NFIX: variants seen among roughly 807,000 people sequenced by gnomAD.
NFIX encodes nuclear factor 1 X-type.
Under a neutral mutation model 53.3 loss-of-function variants are expected in NFIX, and 2 were observed. The ratio of observed to expected loss-of-function variants is 0.04; its 90% confidence interval spans 0.02 to 0.12. The LOEUF is 0.12. NFIX is among the 10% of genes least tolerant of loss of function. The pLI is 1.00. For synonymous variants in NFIX, 244 were observed against 289.0 expected, an observed-to-expected ratio of 0.84 and a Z score of 1.58; for missense variants, 310 against 674.5, an observed-to-expected ratio of 0.46 and a Z score of 5.99.
At chr19:13,080,489 C>T (rs1468553505) in intron 7 of NFIX, among the ~76,000 whole-genome samples, 3 of 152,154 alleles carry the variant, frequency 2.0e-5, no homozygotes, top group Non-Finnish European at 2.9e-5. Context: ...CCTCCCAAAG[C>T]ACTGGGATTA....
chr19:13,075,568 T>C lies in NFIX; in HGVS notation c.852T>C (p.Ser284=), dbSNP rs1350691367. The part of the protein sequence containing the change: ...TTKRPKSIDD[S]EMESPVDDVF... ...AGCGCCCCAAGTCCATCGATGACAG[T>C]GAGATGGAGAGCCCTGTTGATGACG... Residue 284 remains serine (S), a synonymous_variant, in exon 6 of 11, where the codon AGT becomes AGC. Coordinates refer to ENST00000592199, the MANE Select transcript of NFIX (RefSeq NM_001365902.3). 6.2e-7 allele frequency: 1 copy of C among 1,603,406 alleles called. No homozygotes were observed. The highest frequency in any genetic ancestry group is 1.1e-5 in the South Asian group (1 of 90,778).
chr19:13,088,834 T>G lies in NFIX; in HGVS notation c.1402+698T>G, dbSNP rs1164359722. 6.6e-6 allele frequency among the ~76,000 whole-genome samples: 1 copy of G among 151,746 alleles called. No individual in the cohort carries two copies. The highest frequency in any genetic ancestry group is 2.4e-5 in the African/African-American group (1 of 41,404). Reference sequence around the variant, plus strand: ...CTTACTTCATCTCTCTCTCTGTCTCTCTTTCTTTTCTTTTCTTTTCTTTTT... The same window carrying G: ...CTTACTTCATCTCTCTCTCTGTCTCGCTTTCTTTTCTTTTCTTTTCTTTTT... On this transcript the variant is annotated intron_variant, in intron 9 of 10. Transcript: ENST00000592199. This position sits in a 1 kb window ranked among gnomAD's most constrained non-coding sequence, Gnocchi z 5.9.
At chr19:13,039,228 C>CCCCCACACA (rs796212249) in intron 2 of NFIX, among the ~76,000 whole-genome samples, 2 of 144,524 alleles carry the variant, frequency 1.4e-5, no homozygotes, top group African/African-American at 5.7e-5. Flanking sequence ...ACACCCCCCC[C>CCCCCACACA]CACACACACA....
intron 1 of NFIX, among the ~76,000 whole-genome samples, chr19:13,004,356 T>A (rs553609842): frequency 6.0e-4 from 91 of 151,780 alleles, no homozygotes; most frequent in Middle Eastern, 6.8e-3. Flanking sequence ...ACACACACAC[T>A]CTCCCTCACT....
chr19:13,082,020 G>A (rs1568325840), intron 8 of NFIX, 165 bp downstream of exon 8: 4 of 729,694 alleles, frequency 5.5e-6, no homozygotes, highest in East Asian at 2.7e-5. Flanking sequence ...GTCTGGGGAC[G>A]GGGGTCTGTG....
chr19:13,065,931 G>T (rs959396895), intron 2 of NFIX, among the ~76,000 whole-genome samples: 1 of 152,168 alleles, frequency 6.6e-6, no homozygotes, highest in Non-Finnish European at 1.5e-5. Context: ...AAAATTTTAA[G>T]CTTAGGAACA....
intron 1 of NFIX, chr19:13,024,010 C>T (rs2013121997): frequency 7.9e-7 from 1 of 1,273,514 alleles, no homozygotes; most frequent in Middle Eastern, 2.8e-4. Context: ...GGGCGTTGGG[C>T]TTTGCCGGGT....
At chr19:13,000,708 G>A (rs1383023714) in intron 1 of NFIX, among the ~76,000 whole-genome samples, 1 of 152,168 alleles carries the variant, frequency 6.6e-6, no homozygotes, top group Non-Finnish European at 1.5e-5. Context: ...TCTAGATGAT[G>A]ACTTCAGGGA....
chr19:13,018,454 A>G (rs1049284958), intron 1 of NFIX, among the ~76,000 whole-genome samples: 2 of 151,716 alleles, frequency 1.3e-5, no homozygotes, highest in Non-Finnish European at 2.9e-5. Flanking sequence ...GCATGAGGAC[A>G]CTGGAAAGAA....
chr19:13,027,630 C>G lies in NFIX; in HGVS notation c.559+2078C>G, dbSNP rs1334356384. Among the ~76,000 whole-genome samples, 4 of 152,174 alleles carry G rather than the reference C, an allele frequency of 2.6e-5. No individual in the cohort carries two copies. The highest frequency in any genetic ancestry group is 4.4e-5 in the Non-Finnish European group (3 of 68,038). On this transcript the variant is annotated intron_variant, in intron 2 of 10. Coordinates refer to ENST00000592199, the MANE Select transcript of NFIX (RefSeq NM_001365902.3). This position sits in a 1 kb window ranked among gnomAD's most constrained non-coding sequence, Gnocchi z 4.3. Reference sequence around the variant, plus strand: ...CTTGTAGCTGAGTTGTTTCCCTGGCCTCTTTTATTTTAGGCCGAATTCTTG... The same window carrying G: ...CTTGTAGCTGAGTTGTTTCCCTGGCGTCTTTTATTTTAGGCCGAATTCTTG...
At chr19:13,080,532 TGTTTAAAATG>T (rs1208595913) in intron 7 of NFIX, among the ~76,000 whole-genome samples, 2 of 152,212 alleles carry the variant, frequency 1.3e-5, no homozygotes, top group Non-Finnish European at 2.9e-5. Flanking sequence ...GCCATGTCTT[TGTTTAAAATG>T]GTTTAAAATG....
chr19:13,020,522 A>G (rs1599730120), intron 1 of NFIX, among the ~76,000 whole-genome samples: 1 of 152,270 alleles, frequency 6.6e-6, no homozygotes, highest in Non-Finnish European at 1.5e-5. Context: ...GCCCATAGAG[A>G]GAATGGGGTG....
rs1253086062 is a variant in NFIX, at chr19:13,066,425, G to A, written c.560-6622G>A. ...CAGCCAGAGCAGGCCTAGACCACATGTGGGTGTCACTCGGTTTCTTCCTCT... is the reference window on the plus strand; with the variant it reads ...CAGCCAGAGCAGGCCTAGACCACATATGGGTGTCACTCGGTTTCTTCCTCT... On this transcript the variant is annotated intron_variant, in intron 2 of 10. Coordinates refer to ENST00000592199, the MANE Select transcript of NFIX (RefSeq NM_001365902.3). This position sits in a 1 kb window ranked among gnomAD's most constrained non-coding sequence, Gnocchi z 4.2. Among the ~76,000 whole-genome samples the A allele has an allele frequency of 6.6e-6, 1 of 150,932 alleles. No homozygotes were observed. Among genetic ancestry groups the A allele is most frequent in the Non-Finnish European group, 1.5e-5 (1 of 67,796 alleles).
At chr19:13,054,432 C>G (rs1042619392) in intron 2 of NFIX, among the ~76,000 whole-genome samples, 1 of 152,098 alleles carries the variant, frequency 6.6e-6, no homozygotes, top group African/African-American at 2.4e-5. Context: ...TGCACTGCTC[C>G]CTGGGTTCCT....
At chr19:13,018,377 G>A (rs988687796) in intron 1 of NFIX, among the ~76,000 whole-genome samples, 11 of 145,524 alleles carry the variant, frequency 7.6e-5, no homozygotes, top group African/African-American at 2.8e-4. Context: ...AGAAGTGTGC[G>A]GCCTGGCTGT....
chr19:13,015,079 T>G (rs889745158), intron 1 of NFIX, among the ~76,000 whole-genome samples: 3 of 152,180 alleles, frequency 2.0e-5, no homozygotes, highest in African/African-American at 4.8e-5. Context: ...AAGGGAGCTT[T>G]TTATGTATTT....
At position 13,027,877 on chromosome 19, in the gene NFIX, G is replaced by T. The variant is rs1186604395; in HGVS notation, c.559+2325G>T. On this transcript the variant is annotated intron_variant, in intron 2 of 10. Transcript: ENST00000592199. The surrounding 1 kb of genome is among the most constrained non-coding windows in gnomAD (Gnocchi z 4.3). Reference sequence around the variant, plus strand: ...ACAAAAGCAGAGTAGGGAACTAAGGGTGTATTTTATATCATTCAGGCCCCA... The same window carrying T: ...ACAAAAGCAGAGTAGGGAACTAAGGTTGTATTTTATATCATTCAGGCCCCA... Among the ~76,000 whole-genome samples, 1 of 152,226 alleles carries T rather than the reference G, an allele frequency of 6.6e-6. No individual in the cohort carries two copies. The highest frequency in any genetic ancestry group is 1.9e-4 in the East Asian group (1 of 5,206).
rs1599776956 is a variant in NFIX at position 13,044,901 on chromosome 19, CA to C, written c.559+19351del. Among the ~76,000 whole-genome samples, 3 of 152,322 alleles carry C rather than the reference CA, an allele frequency of 2.0e-5. No homozygotes were observed. In the East Asian group the frequency reaches 5.8e-4, roughly 29 times the overall value. On this transcript the variant is annotated intron_variant, in intron 2 of 10. Transcript: ENST00000592199. ...CTGTTTGGATATGGCACAAAGACAA[CA>C]ACCCTTCCCGGGGGCTAAGGAGATC...
chr19:13,055,715 G>A (rs960476452), intron 2 of NFIX, among the ~76,000 whole-genome samples: 3 of 152,178 alleles, frequency 2.0e-5, no homozygotes, highest in Non-Finnish European at 2.9e-5. Context: ...TTTTGGGAGT[G>A]TCGCGTGAGG....
Sources: allele counts gnomAD v4.1 joint callset (sites outside exome capture counted in the v4.1 genomes callset), GRCh38; gene constraint gnomAD v4.1.1; non-coding constraint Gnocchi (gnomAD v3.1); transcripts MANE v1.5; gene names NCBI Gene and HGNC (gene_info 2026-07-23, HGNC 2026-07-21).